TRPM8: variants seen among roughly 807,000 people sequenced by gnomAD.
TRPM8 encodes transient receptor potential cation channel subfamily M member 8.
In TRPM8, 110 loss-of-function variants were observed where a neutral mutation model predicts 133.7. The ratio of observed to expected loss-of-function variants is 0.82; its 90% confidence interval spans 0.70 to 0.96. The LOEUF (loss-of-function observed/expected upper bound fraction) is 0.96, where lower values mean the gene tolerates loss of function less well. TRPM8 is among the 40% of genes least tolerant of loss of function. The pLI, the probability that TRPM8 is intolerant of heterozygous loss-of-function variation, is 0.00. For missense variants in TRPM8, 1,291 were observed against 1,379.5 expected (o/e 0.94, Z 1.02); for synonymous variants, 535 against 532.3 (o/e 1.01, Z -0.07).
intron 21 of TRPM8, among the ~76,000 whole-genome samples, chr2:233,987,190 A>G (rs533746876): frequency 2.0e-5 from 3 of 152,362 alleles, no homozygotes; most frequent in Admixed American, 6.5e-5. Context: ...TGCTGTATCC[A>G]CACTGTGGAA....
At chr2:233,970,950 T>C (rs1691698620) in intron 17 of TRPM8, among the ~76,000 whole-genome samples, 2 of 152,332 alleles carry the variant, frequency 1.3e-5, no homozygotes, top group East Asian at 1.9e-4. Flanking sequence ...GTCGTCTCTC[T>C]ACCGTTGAAC....
At chr2:233,962,881 C>T (rs927321495) in intron 12 of TRPM8, among the ~76,000 whole-genome samples, 2 of 152,090 alleles carry the variant, frequency 1.3e-5, no homozygotes, top group Non-Finnish European at 2.9e-5. Flanking sequence ...AGAAATAAGC[C>T]ACAGTTTTAT....
intron 22 of TRPM8, among the ~76,000 whole-genome samples, chr2:234,002,710 T>A (rs1692598909): frequency 6.6e-6 from 1 of 152,198 alleles, no homozygotes; most frequent in Admixed American, 6.5e-5. Context: ...AATTTGGAGT[T>A]AAGGGCAATT....
intron 5 of TRPM8, among the ~76,000 whole-genome samples, chr2:233,942,071 CTTTTTTT>C (rs796852025): frequency 3.6e-5 from 4 of 111,704 alleles, no homozygotes; most frequent in South Asian, 3.0e-4. Flanking sequence ...GGTCAAGAAT[CTTTTTTT>C]TTTTTTTTTT....
intron 5 of TRPM8, among the ~76,000 whole-genome samples, chr2:233,942,071 C>CTGTTTTTTTTTTTTTTTTTTTTT (rs1553656129): frequency 9.0e-6 from 1 of 111,704 alleles, no homozygotes; most frequent in African/African-American, 3.9e-5. Flanking sequence ...GGTCAAGAAT[C>CTGTTTTTTTTTTTTTTTTTTTTT]TTTTTTTTTT....
rs199498003 is a variant in TRPM8, at chr2:233,917,475, C to A, written c.-6+43C>A. The A allele has an allele frequency of 3.3e-5, 5 of 152,194 alleles. No homozygotes were observed. The East Asian group carries it at 7.7e-4, about 23-fold the overall frequency. 9.4% of individuals were successfully genotyped at this position (152,194 alleles called of 1,614,324 possible). On this transcript the variant is annotated intron_variant, in intron 1 of 25. Coordinates refer to ENST00000324695, the MANE Select transcript of TRPM8 (RefSeq NM_024080.5). ...GCTTTTTGCTTCTCCTTAAATGTTGCCATTGCTGTAACTTGTAGAATAGTA... is the reference window on the plus strand; with the variant it reads ...GCTTTTTGCTTCTCCTTAAATGTTGACATTGCTGTAACTTGTAGAATAGTA...
At chr2:233,947,741 G>T (rs1409951885) in intron 8 of TRPM8, among the ~76,000 whole-genome samples, 2 of 152,170 alleles carry the variant, frequency 1.3e-5, no homozygotes, top group African/African-American at 4.8e-5. Context: ...CTGCAGTCAG[G>T]CTTCTGTTTG....
intron 17 of TRPM8, among the ~76,000 whole-genome samples, chr2:233,970,711 T>C (rs372863937): frequency 3.6e-4 from 55 of 152,122 alleles, no homozygotes; most frequent in African/African-American, 1.3e-3. Context: ...AGAGAGACCC[T>C]GGATGATAAA....
intron 17 of TRPM8, among the ~76,000 whole-genome samples, chr2:233,972,071 G>A (rs952777758): frequency 4.6e-5 from 7 of 152,210 alleles, no homozygotes; most frequent in African/African-American, 1.7e-4. Flanking sequence ...AGAGTAGCTA[G>A]ATACAGAGTG....
At chr2:234,016,233 A>G (rs1574799279) in intron 25 of TRPM8, among the ~76,000 whole-genome samples, 2 of 146,608 alleles carry the variant, frequency 1.4e-5, no homozygotes, top group Non-Finnish European at 3.0e-5. Flanking sequence ...ATCTACACAG[A>G]AAAAAAAAGA....
chr2:233,955,345 A>G, intron 11 of TRPM8, 95 bp downstream of exon 11: 1 of 848,380 alleles, frequency 1.2e-6, no homozygotes, highest in Non-Finnish European at 2.0e-6. Flanking sequence ...TTCAATACCA[A>G]ATCTCTTAAA....
intron 2 of TRPM8, among the ~76,000 whole-genome samples, chr2:233,927,908 T>TTCTTTCTTTC (rs1559516638): frequency 2.6e-5 from 1 of 38,874 alleles, no homozygotes. Context: ...CTTTCTTTCT[T>TTCTTTCTTTC]TCTCTCTCTC....
At chr2:233,932,765 A>C (rs1045787517) in intron 3 of TRPM8, among the ~76,000 whole-genome samples, 4 of 151,824 alleles carry the variant, frequency 2.6e-5, no homozygotes, top group African/African-American at 9.7e-5. Context: ...GGATTCTATA[A>C]TCTTTGAATC....
At chr2:233,963,408 C>T (rs1322812235) in intron 13 of TRPM8, 31 bp downstream of exon 13, 1 of 1,348,662 alleles carries the variant, frequency 7.4e-7, no homozygotes. Context: ...CAGATTTACA[C>T]CAAATATATG....
At chr2:233,962,785 G>C (rs892481838) in intron 12 of TRPM8, among the ~76,000 whole-genome samples, 3 of 152,170 alleles carry the variant, frequency 2.0e-5, no homozygotes, top group African/African-American at 4.8e-5. Flanking sequence ...TACCTGAAAA[G>C]TTTCCCTTGA....
At chr2:233,972,418 C>T (rs1405305910) in intron 17 of TRPM8, among the ~76,000 whole-genome samples, 4 of 152,266 alleles carry the variant, frequency 2.6e-5, no homozygotes, top group African/African-American at 4.8e-5. Context: ...CAGTGGATCC[C>T]GCACCGCGGC....
At chr2:234,016,529 G>A (rs1406949561) in intron 25 of TRPM8, among the ~76,000 whole-genome samples, 2 of 152,172 alleles carry the variant, frequency 1.3e-5, no homozygotes, top group Non-Finnish European at 2.9e-5. Flanking sequence ...GACAGTGTCA[G>A]TCTCTTGTGG....
intron 21 of TRPM8, among the ~76,000 whole-genome samples, chr2:233,986,104 C>A (rs1008679803): frequency 3.9e-5 from 6 of 152,228 alleles, no homozygotes; most frequent in Non-Finnish European, 5.9e-5. Context: ...TTCATCAAAT[C>A]CAGACTGCAT....
chr2:234,006,817 A>G, intron 22 of TRPM8, 36 bp from the exon 23 acceptor site: 1 of 1,517,328 alleles, frequency 6.6e-7, no homozygotes, highest in Non-Finnish European at 9.1e-7. Flanking sequence ...GGGCAAATGA[A>G]ACAATTTGAA....
Sources: allele counts gnomAD v4.1 joint callset (sites outside exome capture counted in the v4.1 genomes callset), GRCh38; gene constraint gnomAD v4.1.1; transcripts MANE v1.5; gene names NCBI Gene and HGNC (gene_info 2026-07-23, HGNC 2026-07-21).